The following CCSER1 variants were observed in gnomAD, a reference collection of about 807,000 sequenced individuals.
The protein encoded by CCSER1 is serine-rich coiled-coil domain-containing protein 1.
In CCSER1, 41 loss-of-function variants were observed where a neutral mutation model predicts 82.0. The ratio of observed to expected loss-of-function variants is 0.50; its 90% CI spans 0.39 to 0.65. The LOEUF (loss-of-function observed/expected upper bound fraction) is 0.65, where lower values mean the gene tolerates loss of function less well. Ranked by LOEUF, CCSER1 falls within the 30% of genes least tolerant of loss-of-function variation. CCSER1 has a pLI of 0.00. For missense variants in CCSER1, 1,119 were observed against 1,064.2 expected (o/e 1.05, Z -0.72); for synonymous variants, 414 against 383.9 (o/e 1.08, Z -0.92).
chr4:91,238,103 T>C (rs933780309), intron 10 of CCSER1, among the ~76,000 whole-genome samples: 1 of 152,176 alleles, frequency 6.6e-6, no homozygotes, highest in Non-Finnish European at 1.5e-5. Context: ...CGCTCTTCTT[T>C]AGTGTCAACA....
chr4:90,789,765 T>C (rs1754989724), intron 7 of CCSER1, among the ~76,000 whole-genome samples: 1 of 152,206 alleles, frequency 6.6e-6, no homozygotes, highest in Admixed American at 6.5e-5. Context: ...TCTACCATGA[T>C]TATGAGGCCT....
intron 10 of CCSER1, among the ~76,000 whole-genome samples, chr4:91,247,946 AAGACTT>A (rs767312060): frequency 3.3e-5 from 5 of 152,148 alleles, no homozygotes; most frequent in Non-Finnish European, 5.9e-5. Context: ...GTCTGATTCT[AAGACTT>A]AGGCAGGAAG....
chr4:90,342,327 A>G (rs578039349), intron 3 of CCSER1, among the ~76,000 whole-genome samples: 4 of 152,236 alleles, frequency 2.6e-5, no homozygotes, highest in South Asian at 4.2e-4. Context: ...CACTTGTTCT[A>G]TTCTTATTAC....
intron 1 of CCSER1, among the ~76,000 whole-genome samples, chr4:90,157,802 C>A (rs763839388): frequency 1.2e-4 from 18 of 152,134 alleles, no homozygotes; most frequent in Non-Finnish European, 2.1e-4. Context: ...TTTTTAACTT[C>A]TTTGCCTTTG....
chr4:90,486,917 C>A (rs572838289), intron 5 of CCSER1, among the ~76,000 whole-genome samples: 10 of 152,208 alleles, frequency 6.6e-5, no homozygotes, highest in South Asian at 2.1e-4. Context: ...GTCTTTCTCT[C>A]TATATATATT....
intron 9 of CCSER1, among the ~76,000 whole-genome samples, chr4:91,009,274 G>A (rs570704262): frequency 7.2e-5 from 11 of 152,320 alleles, no homozygotes; most frequent in East Asian, 3.9e-4. Flanking sequence ...GAGGGTAGCC[G>A]TTGCTGGCTC....
chr4:90,348,754 C>T (rs1265237280), intron 3 of CCSER1, among the ~76,000 whole-genome samples: 2 of 152,102 alleles, frequency 1.3e-5, no homozygotes, highest in East Asian at 3.9e-4. Flanking sequence ...TTAGCATTAT[C>T]TGAGGTTTCT....
intron 10 of CCSER1, among the ~76,000 whole-genome samples, chr4:91,276,082 C>T (rs1742412685): frequency 6.6e-6 from 1 of 151,986 alleles, no homozygotes; most frequent in Non-Finnish European, 1.5e-5. Flanking sequence ...ATTTTGAAAT[C>T]AGTTAGTATG....
intron 10 of CCSER1, among the ~76,000 whole-genome samples, chr4:91,551,834 G>A (rs7669292): frequency 0.68 from 102,439 of 151,388 alleles, 35,547 homozygotes; most frequent in African/African-American, 0.81. Flanking sequence ...ATGTTTTATT[G>A]AGATTTTGTT....
intron 9 of CCSER1, among the ~76,000 whole-genome samples, chr4:91,047,257 T>C (rs1182549345): frequency 6.6e-6 from 1 of 152,128 alleles, no homozygotes; most frequent in African/African-American, 2.4e-5. Flanking sequence ...CACACACATA[T>C]ATATATTTCT....
At chr4:90,335,690 TC>T (rs1430875059) in intron 3 of CCSER1, among the ~76,000 whole-genome samples, 1 of 152,230 alleles carries the variant, frequency 6.6e-6, no homozygotes, top group Admixed American at 6.5e-5. Flanking sequence ...ACTTACATAG[TC>T]ATATTTCCCC....
intron 3 of CCSER1, among the ~76,000 whole-genome samples, chr4:90,343,429 C>G (rs950352252): frequency 6.6e-6 from 1 of 151,942 alleles, no homozygotes; most frequent in East Asian, 1.9e-4. Flanking sequence ...CCAGCCTGGC[C>G]GACACGGTGA....
At chr4:91,031,133 T>C (rs1330557114) in intron 9 of CCSER1, among the ~76,000 whole-genome samples, 1 of 152,192 alleles carries the variant, frequency 6.6e-6, no homozygotes, top group Non-Finnish European at 1.5e-5. Flanking sequence ...TTATATGATG[T>C]TCACGTTTAG....
intron 5 of CCSER1, among the ~76,000 whole-genome samples, chr4:90,500,181 C>T (rs146121665): frequency 1.1e-4 from 17 of 151,924 alleles, no homozygotes; most frequent in African/African-American, 2.7e-4. Context: ...ATCATGTACT[C>T]GATTAATTCT....
At chr4:90,644,809 C>T (rs112293261) in intron 6 of CCSER1, among the ~76,000 whole-genome samples, 60 of 152,014 alleles carry the variant, frequency 3.9e-4, no homozygotes, top group African/African-American at 1.4e-3. Context: ...TGGCCAGGTG[C>T]GGTGGCTCAC....
At position 90,749,529 on chromosome 4, in the gene CCSER1, T is replaced by A. The variant is rs183074077; in HGVS notation, c.2010+25538T>A. On this transcript the variant is annotated intron_variant, in intron 7 of 10. Coordinates refer to ENST00000509176, the MANE Select transcript of CCSER1 (RefSeq NM_001145065.2). ...TTGACTTGGCTATGCGGGCTCTTTT[T>A]TGGTTCCATATGAACTTTAAAGTAG... Among the ~76,000 whole-genome samples, 1,213 of 152,220 alleles carry A rather than the reference T, an allele frequency of 8.0e-3. 16 individuals are homozygous for A. The highest frequency in any genetic ancestry group is 0.028 in the African/African-American group (1,165 of 41,534).
chr4:91,223,254 ATTTG>A (rs1581797305), intron 10 of CCSER1, among the ~76,000 whole-genome samples: 2 of 152,246 alleles, frequency 1.3e-5, no homozygotes, highest in East Asian at 3.9e-4. Context: ...GAGAAATATT[ATTTG>A]TTTAGAAATC....
intron 4 of CCSER1, among the ~76,000 whole-genome samples, chr4:90,404,397 A>C (rs968752370): frequency 1.3e-5 from 2 of 152,138 alleles, no homozygotes; most frequent in African/African-American, 4.8e-5. Flanking sequence ...TGGTGGCCTA[A>C]GACAAAGGTT....
intron 6 of CCSER1, among the ~76,000 whole-genome samples, chr4:90,715,294 T>G (rs1741433759): frequency 6.6e-6 from 1 of 152,014 alleles, no homozygotes; most frequent in Non-Finnish European, 1.5e-5. Context: ...TGTGAATTGA[T>G]GTAGTTTAAT....
Sources: gnomAD v4.1 joint callset for allele counts (sites outside exome capture counted in the v4.1 genomes callset) on GRCh38, gnomAD v4.1.1 for gene constraint, MANE v1.5 for transcripts, NCBI Gene and HGNC (gene_info 2026-07-23, HGNC 2026-07-21) for gene names.